Variants in MYO3B observed in about 807,000 individuals in gnomAD.
MYO3B encodes the protein myosin-IIIb.
A neutral mutation model predicts 174.6 loss-of-function variants in MYO3B; 156 were observed. The ratio of observed to expected loss-of-function variants is 0.89; its 90% CI spans 0.78 to 1.02. The LOEUF (loss-of-function observed/expected upper bound fraction) is 1.02, where lower values mean the gene tolerates loss of function less well. Ranked by LOEUF, MYO3B falls within the 50% of genes least tolerant of loss-of-function variation. The probability of loss-of-function intolerance (pLI) is 0.00; values close to 1 mark genes in which losing one functional copy is unlikely to be tolerated. For missense variants in MYO3B, 1,632 were observed against 1,639.4 expected (o/e 1.00, Z 0.08); for synonymous variants, 563 against 569.1 (o/e 0.99, Z 0.15).
chr2:170,329,679 C>CA, intron 7 of MYO3B, among the ~76,000 whole-genome samples: 1 of 151,992 alleles, frequency 6.6e-6, no homozygotes, highest in Non-Finnish European at 1.5e-5. Flanking sequence ...CAGGGGTGAG[C>CA]CACCATGCCC....
intron 7 of MYO3B, among the ~76,000 whole-genome samples, chr2:170,289,756 A>G (rs2105414561): frequency 6.6e-6 from 1 of 151,312 alleles, no homozygotes; most frequent in East Asian, 1.9e-4. Context: ...GGTTTGGTTC[A>G]TTCTTTCTAG....
At chr2:170,198,671 T>C (rs927899062) in intron 1 of MYO3B, among the ~76,000 whole-genome samples, 2 of 152,120 alleles carry the variant, frequency 1.3e-5, no homozygotes, top group African/African-American at 4.8e-5. Context: ...TGAGTGTGGG[T>C]GCTTTAAATT....
At chr2:170,184,082 A>G (rs1263475334) in intron 1 of MYO3B, among the ~76,000 whole-genome samples, 11 of 152,088 alleles carry the variant, frequency 7.2e-5, no homozygotes, top group Non-Finnish European at 1.6e-4. Flanking sequence ...GTGGGTACAT[A>G]ATAGATGTAT....
intron 7 of MYO3B, among the ~76,000 whole-genome samples, chr2:170,311,137 T>A (rs1031431592): frequency 2.6e-5 from 4 of 152,176 alleles, no homozygotes; most frequent in Non-Finnish European, 4.4e-5. Context: ...TCACTATATA[T>A]CTGGGAGTGG....
At chr2:170,463,808 C>T (rs1303139050) in intron 24 of MYO3B, among the ~76,000 whole-genome samples, 1 of 152,154 alleles carries the variant, frequency 6.6e-6, no homozygotes, top group Non-Finnish European at 1.5e-5. Context: ...GAATTGACCC[C>T]TTGTAAAACC....
intron 3 of MYO3B, among the ~76,000 whole-genome samples, chr2:170,205,252 A>G (rs779328607): frequency 6.6e-6 from 1 of 152,184 alleles, no homozygotes; most frequent in Non-Finnish European, 1.5e-5. Flanking sequence ...AAAGTTTATA[A>G]GTTGGCTACC....
intron 32 of MYO3B, among the ~76,000 whole-genome samples, chr2:170,650,515 A>G (rs1276631982): frequency 6.6e-6 from 1 of 151,970 alleles, no homozygotes; most frequent in Non-Finnish European, 1.5e-5. Context: ...GCTTTTCTCT[A>G]AACAACAACA....
chr2:170,533,446 T>C (rs1176932369), intron 30 of MYO3B, among the ~76,000 whole-genome samples: 1 of 151,232 alleles, frequency 6.6e-6, no homozygotes, highest in Non-Finnish European at 1.5e-5. Context: ...TGTGCAGTGG[T>C]GAAAAGAACA....
chr2:170,331,544 A>G (rs2093911719), intron 7 of MYO3B, among the ~76,000 whole-genome samples: 1 of 152,154 alleles, frequency 6.6e-6, no homozygotes, highest in Non-Finnish European at 1.5e-5. Flanking sequence ...TATTACCGTC[A>G]TAACAAATCA....
intron 25 of MYO3B, among the ~76,000 whole-genome samples, chr2:170,468,678 G>A (rs573845940): frequency 1.3e-5 from 2 of 152,244 alleles, no homozygotes; most frequent in African/African-American, 2.4e-5. Context: ...TTATGTTCTC[G>A]ACTAGGCATG....
chr2:170,522,595 G>C (rs540397918), intron 30 of MYO3B, among the ~76,000 whole-genome samples: 2 of 152,152 alleles, frequency 1.3e-5, no homozygotes, highest in Admixed American at 6.5e-5. Context: ...GACCAAAAAA[G>C]GTTCCGACTT....
intron 32 of MYO3B, among the ~76,000 whole-genome samples, chr2:170,637,173 T>G (rs1267226975): frequency 4.5e-4 from 3 of 6,618 alleles, no homozygotes; most frequent in Non-Finnish European, 9.8e-4. Flanking sequence ...AGTGTAGGGT[T>G]TTTTTTTTTT....
At chr2:170,546,499 G>A (rs1452119293) in intron 32 of MYO3B, among the ~76,000 whole-genome samples, 1 of 152,190 alleles carries the variant, frequency 6.6e-6, no homozygotes, top group African/African-American at 2.4e-5. Context: ...GTGTACTAGT[G>A]GAAGAAATTA....
chr2:170,552,463 TGA>T (rs965237798), intron 32 of MYO3B, among the ~76,000 whole-genome samples: 2 of 152,090 alleles, frequency 1.3e-5, no homozygotes, highest in African/African-American at 4.8e-5. Flanking sequence ...ACTTTGAACT[TGA>T]GAGAGATGAT....
At chr2:170,301,490 G>A (rs184338256) in intron 7 of MYO3B, among the ~76,000 whole-genome samples, 15 of 152,158 alleles carry the variant, frequency 9.9e-5, no homozygotes, top group African/African-American at 3.4e-4. Context: ...AATAATGTGG[G>A]ATGTAACTAA....
At chr2:170,549,966 G>C (rs1329934621) in intron 32 of MYO3B, among the ~76,000 whole-genome samples, 2 of 152,088 alleles carry the variant, frequency 1.3e-5, no homozygotes, top group Non-Finnish European at 2.9e-5. Flanking sequence ...AGTCTCAAAG[G>C]CCGCATAATC....
chr2:170,339,645 A>C (rs2093965603), intron 8 of MYO3B, among the ~76,000 whole-genome samples: 1 of 152,196 alleles, frequency 6.6e-6, no homozygotes, highest in Non-Finnish European at 1.5e-5. Context: ...TAGAGATAGT[A>C]AGAGAGATTT....
intron 7 of MYO3B, among the ~76,000 whole-genome samples, chr2:170,265,818 C>T (rs2093379034): frequency 6.6e-6 from 1 of 151,984 alleles, no homozygotes; most frequent in Admixed American, 6.6e-5. Context: ...GTATTTAAAA[C>T]CATTTACAAA....
At chr2:170,429,306 A>G (rs2094689790) in intron 22 of MYO3B, among the ~76,000 whole-genome samples, 1 of 152,210 alleles carries the variant, frequency 6.6e-6, no homozygotes, top group Non-Finnish European at 1.5e-5. Context: ...CCATATCAGC[A>G]CTATTTTAAC....
Sources: gnomAD v4.1 joint callset for allele counts (sites outside exome capture counted in the v4.1 genomes callset) on GRCh38, gnomAD v4.1.1 for gene constraint, MANE v1.5 for transcripts, NCBI Gene and HGNC (gene_info 2026-07-23, HGNC 2026-07-21) for gene names.